The following KAZN variants were observed in gnomAD, a reference collection of about 807,000 sequenced individuals.
KAZN encodes kazrin, periplakin interacting protein, also known as kazrin.
Under a neutral mutation model 87.4 loss-of-function variants are expected in KAZN, and 40 were observed. The observed-to-expected ratio is 0.46, with a 90% CI of 0.36 to 0.60. The LOEUF (loss-of-function observed/expected upper bound fraction) is 0.60, where lower values mean the gene tolerates loss of function less well. Among genes scored for constraint, KAZN ranks in the 20% least tolerant of loss-of-function variants. The pLI is 0.00. For synonymous variants in KAZN, 466 were observed against 458.3 expected (o/e 1.02, Z -0.22); for missense variants, 898 against 1,073.9 (o/e 0.84, Z 2.29).
chr1:14,206,172 T>C (rs1022368956), intron 2 of KAZN, among the ~76,000 whole-genome samples: 2 of 152,180 alleles, frequency 1.3e-5, no homozygotes, highest in Non-Finnish European at 1.5e-5. Flanking sequence ...AATATAACTA[T>C]GTAAGAGAAA....
chr1:14,214,559 T>C (rs1461031345), intron 2 of KAZN, among the ~76,000 whole-genome samples: 1 of 152,232 alleles, frequency 6.6e-6, no homozygotes, highest in Non-Finnish European at 1.5e-5. Context: ...TTTCATTTAC[T>C]TTCCTAATCC....
chr1:14,180,560 A>G, exon 2 of KAZN: 1 of 1,550,442 alleles, frequency 6.4e-7, no homozygotes, highest in East Asian at 2.4e-5. Flanking sequence ...GAGTTCCATG[A>G]TATTGATGAG....
intron 13 of KAZN, among the ~76,000 whole-genome samples, chr1:15,108,489 C>G (rs1573317900): frequency 6.6e-6 from 1 of 152,260 alleles, no homozygotes; most frequent in Non-Finnish European, 1.5e-5. Flanking sequence ...GGGATGATCA[C>G]TCCTTCTTCC....
chr1:14,411,979 T>G (rs1242545125), intron 2 of KAZN, among the ~76,000 whole-genome samples: 1 of 151,908 alleles, frequency 6.6e-6, no homozygotes, highest in Non-Finnish European at 1.5e-5. Context: ...CCCCCTGTAC[T>G]TCTTCTGGTT....
intron 1 of KAZN, among the ~76,000 whole-genome samples, chr1:14,116,503 T>C (rs999576187): frequency 2.0e-5 from 3 of 152,222 alleles, no homozygotes; most frequent in Non-Finnish European, 4.4e-5. Flanking sequence ...TGGGAACCTC[T>C]GCCTAGATTT....
intron 2 of KAZN, among the ~76,000 whole-genome samples, chr1:14,554,818 A>G (rs557305530): frequency 5.3e-5 from 8 of 152,334 alleles, no homozygotes; most frequent in Admixed American, 4.6e-4. Flanking sequence ...AGTCTTCCCT[A>G]TGATAACAGA....
At chr1:14,352,553 T>C (rs1265630105) in intron 2 of KAZN, among the ~76,000 whole-genome samples, 1 of 152,256 alleles carries the variant, frequency 6.6e-6, no homozygotes, top group East Asian at 1.9e-4. Flanking sequence ...TATGCTTTAA[T>C]GCTTATAAGG....
chr1:14,134,409 T>C (rs1449223857), intron 1 of KAZN, among the ~76,000 whole-genome samples: 1 of 152,124 alleles, frequency 6.6e-6, no homozygotes, highest in Non-Finnish European at 1.5e-5. Flanking sequence ...TTTAGAGAGG[T>C]GATCTCGTTT....
At chr1:14,677,085 C>T (rs1193184203) in intron 1 of KAZN, among the ~76,000 whole-genome samples, 1 of 152,152 alleles carries the variant, frequency 6.6e-6, no homozygotes, top group African/African-American at 2.4e-5. Flanking sequence ...TTAGTGCCAA[C>T]TGTGTGCCCA....
At chr1:13,943,752 T>C (rs1641029782) in intron 1 of KAZN, among the ~76,000 whole-genome samples, 1 of 152,008 alleles carries the variant, frequency 6.6e-6, no homozygotes. Context: ...GCCTATATGG[T>C]ATATACAAAT....
chr1:14,484,412 C>T (rs1419344104), intron 2 of KAZN, among the ~76,000 whole-genome samples: 2 of 152,042 alleles, frequency 1.3e-5, no homozygotes, highest in Admixed American at 6.6e-5. Flanking sequence ...TTAGCCAGTC[C>T]ACAATATATT....
Position 15,115,639 on chromosome 1 carries a change from C to T in KAZN, c.*1004C>T, listed in dbSNP as rs1037770475. 5.3e-5 allele frequency: 8 copies of T among 152,114 alleles called. No homozygotes were observed. Among genetic ancestry groups the T allele is most frequent in the East Asian group, 3.9e-4 (2 of 5,194 alleles). The allele number at this position is 152,114 out of a possible 1,614,324, so 9.4% of individuals were successfully genotyped here. ...TGACATAGCTCACCAATGTCCTAAC[C>T]GAGACACAAACTCCACAGAGCAAAA... On this transcript the variant is annotated 3_prime_UTR_variant, in exon 15 of 15. Coordinates refer to ENST00000376030, the MANE Select transcript of KAZN (RefSeq NM_201628.3). This position sits in a 1 kb window ranked among gnomAD's most constrained non-coding sequence, Gnocchi z 4.1.
At position 14,473,573 on chromosome 1, in the gene KAZN, C is replaced by T. The variant is rs115660314; in HGVS notation, c.250-125410C>T. On this transcript the variant is annotated intron_variant, in intron 2 of 16. Transcript: ENST00000636203. ...ACCGGGGAGGCAGAGATTGCAGTGG[C>T]CGAGATCGTGCCACAAGATCGCGCC... Among the ~76,000 whole-genome samples the T allele has an allele frequency of 3.1e-3, 468 of 151,400 alleles. 5 individuals are homozygous for T. Among genetic ancestry groups the T allele is most frequent in the African/African-American group, 0.01 (415 of 41,218 alleles).
intron 1 of KAZN, among the ~76,000 whole-genome samples, chr1:14,736,510 C>T (rs1239369279): frequency 2.3e-5 from 3 of 129,028 alleles, no homozygotes; most frequent in Admixed American, 9.0e-5. Flanking sequence ...AAGGTTTCAT[C>T]GTGTTGGTCA....
intron 1 of KAZN, among the ~76,000 whole-genome samples, chr1:14,881,393 G>A (rs1210235950): frequency 1.3e-5 from 2 of 152,234 alleles, no homozygotes; most frequent in African/African-American, 4.8e-5. Context: ...AGGAAGAGAA[G>A]TGGAAATCAT....
chr1:13,932,397 A>G (rs1640556860), intron 1 of KAZN, among the ~76,000 whole-genome samples: 1 of 149,612 alleles, frequency 6.7e-6, no homozygotes, highest in East Asian at 2.0e-4. Context: ...AGTAGCTGGG[A>G]CTACAGGCGC....
intron 2 of KAZN, among the ~76,000 whole-genome samples, chr1:14,430,466 C>T (rs906245801): frequency 6.6e-6 from 1 of 152,154 alleles, no homozygotes; most frequent in South Asian, 2.1e-4. Context: ...ACCACACCAC[C>T]CTGCCCCTGG....
At chr1:14,933,801 C>G (rs1471829543) in intron 1 of KAZN, among the ~76,000 whole-genome samples, 13 of 152,010 alleles carry the variant, frequency 8.6e-5, no homozygotes, top group Non-Finnish European at 1.6e-4. Flanking sequence ...TGCCACCACA[C>G]CCAGCAGCAT....
intron 2 of KAZN, among the ~76,000 whole-genome samples, chr1:14,233,632 G>A (rs898607957): frequency 1.3e-5 from 2 of 152,192 alleles, no homozygotes; most frequent in Non-Finnish European, 2.9e-5. Context: ...AGAGCACCCA[G>A]GAAGCAGGAA....
Sources: gnomAD v4.1 joint callset for allele counts (sites outside exome capture counted in the v4.1 genomes callset) on GRCh38, gnomAD v4.1.1 for gene constraint, Gnocchi (gnomAD v3.1) non-coding constraint, MANE v1.5 for transcripts, NCBI Gene and HGNC (gene_info 2026-07-23, HGNC 2026-07-21) for gene names.